The following NOSIP variants were observed in gnomAD, a reference collection of about 807,000 sequenced individuals.
NOSIP encodes the protein nitric oxide synthase-interacting protein.
A neutral mutation model predicts 36.4 loss-of-function variants in NOSIP; 25 were observed. The observed-to-expected ratio is 0.69, with a 90% CI of 0.50 to 0.96. The LOEUF (loss-of-function observed/expected upper bound fraction) is 0.96. Among genes scored for constraint, NOSIP ranks in the 40% least tolerant of loss-of-function variants. NOSIP has a pLI of 0.00. For missense variants in NOSIP, 370 were observed against 429.0 expected (o/e 0.86, Z 1.21); for synonymous variants, 187 against 179.2 (o/e 1.04, Z -0.35).
intron 1 of NOSIP, among the ~76,000 whole-genome samples, chr19:49,576,838 C>T (rs956922495): frequency 2.1e-5 from 3 of 142,130 alleles, no homozygotes; most frequent in Admixed American, 1.5e-4. Context: ...GAGCCAAGAT[C>T]GCACCATTGC....
chr19:49,561,763 T>A (rs978242872), intron 1 of NOSIP, among the ~76,000 whole-genome samples: 2 of 151,300 alleles, frequency 1.3e-5, no homozygotes, highest in Admixed American at 6.6e-5. Flanking sequence ...ACGCCAGTAA[T>A]CCCAACTACT....
At position 49,555,674 on chromosome 19, in the gene NOSIP, C is replaced by G. The variant is rs778490568; in HGVS notation, c.*77G>C. ...CCCTGCATCCTCGCCTGCCCTGTCC[C>G]CGGGGCGCCCACGCCGCGAATGAAG... On this transcript the variant is annotated 3_prime_UTR_variant, in exon 9 of 9. Coordinates refer to ENST00000596358, the MANE Select transcript of NOSIP (RefSeq NM_001270960.2). 1 of 1,271,958 alleles carries G rather than the reference C, an allele frequency of 7.9e-7. No homozygotes were observed. The highest frequency in any genetic ancestry group is 2.3e-5 in the East Asian group (1 of 42,962). 78.8% of individuals were successfully genotyped at this position (1,271,958 alleles called of 1,614,324 possible).
chr19:49,565,782 A>AAAGT (rs763832392), intron 1 of NOSIP, among the ~76,000 whole-genome samples: 2 of 151,472 alleles, frequency 1.3e-5, no homozygotes, highest in Admixed American at 1.3e-4. Flanking sequence ...AGAAAGAAAG[A>AAAGT]AAGAAATTAA....
intron 5 of NOSIP, 36 bp downstream of exon 5, chr19:49,557,054 C>T (rs953905582): frequency 1.3e-6 from 2 of 1,591,554 alleles, no homozygotes; most frequent in African/African-American, 1.3e-5. Context: ...CGCGGCGCCC[C>T]GCCCCCCAAC....
chr19:49,576,077 G>T (rs996082492), intron 1 of NOSIP, among the ~76,000 whole-genome samples: 7 of 152,124 alleles, frequency 4.6e-5, no homozygotes, highest in Admixed American at 6.6e-5. Flanking sequence ...GGAGCTTGCA[G>T]TGAGCGGAGA....
At chr19:49,559,150 T>C (rs1437813296) in intron 3 of NOSIP, 172 bp from the exon 4 acceptor site, 1 of 633,814 alleles carries the variant, frequency 1.6e-6, no homozygotes, top group African/African-American at 1.8e-5. Context: ...TTTACTGCAG[T>C]GAAAGGATGC....
Position 49,556,378 on chromosome 19 carries a change from T to G in NOSIP, c.773A>C (p.Asp258Ala), listed in dbSNP as rs1347687821. The change falls in exon 8 of 9, where the codon GAC becomes GCC. Residue 258 changes from aspartate (D) to alanine (A), a missense_variant. This residue lies in a region of NOSIP where 315 missense variants were observed against 331.9 expected (regional missense o/e 0.95). Transcript: ENST00000596358. ...LECVEKLIRK[D>A]MVDPVTGDKL... is the part of the protein sequence containing the mutation. ...GTCTCCAGTCACAGGGTCCACCATG[T>G]CCTTCCGAATCAGCTTCTCCACGCA... The G allele has an allele frequency of 6.2e-7, 1 of 1,613,798 alleles. No homozygotes were observed. The highest frequency in any genetic ancestry group is 8.5e-7 in the Non-Finnish European group (1 of 1,179,918).
chr19:49,570,385 G>A (rs2080469019), intron 1 of NOSIP, among the ~76,000 whole-genome samples: 1 of 152,036 alleles, frequency 6.6e-6, no homozygotes, highest in Non-Finnish European at 1.5e-5. Flanking sequence ...CCCTACTGGC[G>A]TCTTCTCAGA....
Position 49,560,845 on chromosome 19 carries a change from C to T in NOSIP, c.-1-153G>A, listed in dbSNP as rs568930075. ...GTGGAAGAGAGGGAGGGCATGTGGT[C>T]GCCAGGCCTCCTCCAGGAAGTCCTC... On this transcript the variant is annotated intron_variant, in intron 1 of 8. Transcript: ENST00000596358. This position sits in a 1 kb window ranked among gnomAD's most constrained non-coding sequence, Gnocchi z 4.6. Among the ~76,000 whole-genome samples, 3 of 152,208 alleles carry T rather than the reference C, an allele frequency of 2.0e-5. No homozygotes were observed. Among genetic ancestry groups the T allele is most frequent in the South Asian group, 2.1e-4 (1 of 4,832 alleles).
chr19:49,579,290 C>G (rs1057199421), intron 1 of NOSIP: 3 of 152,028 alleles, frequency 2.0e-5, no homozygotes, highest in Non-Finnish European at 4.4e-5. Context: ...ACACACGCAC[C>G]CTGTTAGATA....
intron 8 of NOSIP, 57 bp downstream of exon 8, chr19:49,556,260 G>A (rs2080243114): frequency 1.3e-5 from 13 of 971,244 alleles, no homozygotes; most frequent in Non-Finnish European, 1.9e-5. Context: ...TGGAGGGGGT[G>A]AAGGGGAGGG....
intron 6 of NOSIP, 56 bp from the exon 7 acceptor site, chr19:49,556,792 C>T (rs2080255014): frequency 5.0e-6 from 8 of 1,589,856 alleles, no homozygotes; most frequent in Middle Eastern, 1.7e-4. Context: ...AGGTGGAGAG[C>T]GCGTGGTCCC....
chr19:49,576,682 C>T (rs781412238), intron 1 of NOSIP, among the ~76,000 whole-genome samples: 2 of 151,408 alleles, frequency 1.3e-5, no homozygotes, highest in East Asian at 1.9e-4. Flanking sequence ...GTTGGGAATT[C>T]GAGACCAGCC....
At chr19:49,580,216 C>A (rs1487142320) in intron 1 of NOSIP, among the ~76,000 whole-genome samples, 1 of 151,688 alleles carries the variant, frequency 6.6e-6, no homozygotes, top group Admixed American at 6.6e-5. Flanking sequence ...CAGCAAATAG[C>A]CATCATCTAC....
At chr19:49,572,922 A>C (rs1194446441) in intron 1 of NOSIP, among the ~76,000 whole-genome samples, 1 of 149,314 alleles carries the variant, frequency 6.7e-6, no homozygotes, top group African/African-American at 2.5e-5. Context: ...GCAGTGAGCC[A>C]AGATCGGGCC....
At chr19:49,562,709 T>C (rs1036502897) in intron 1 of NOSIP, among the ~76,000 whole-genome samples, 6 of 152,040 alleles carry the variant, frequency 3.9e-5, no homozygotes, top group African/African-American at 1.4e-4. Flanking sequence ...GGTGAAACCC[T>C]GTCTCTACTA....
Position 49,558,942 on chromosome 19 carries a change from C to T in NOSIP, c.213G>A (p.Leu71=). The change falls in exon 4 of 9, where the codon CTG becomes CTA. Residue 71 remains leucine, a synonymous_variant. Transcript: ENST00000596358. ...DGYLYEREAI[L]EYILHQKKEI... ...CCTTCTTCTGGTGCAGAATGTACTC[C>T]AGGATGGCCTCACGCTCATACAGGT... The T allele has an allele frequency of 1.9e-6, 3 of 1,614,082 alleles. No individual in the cohort carries two copies. Among genetic ancestry groups the T allele is most frequent in the Non-Finnish European group, 2.5e-6 (3 of 1,179,996 alleles).
At chr19:49,576,884 C>CAAAA (rs58441193) in intron 1 of NOSIP, among the ~76,000 whole-genome samples, 11 of 47,376 alleles carry the variant, frequency 2.3e-4, no homozygotes, top group East Asian at 5.1e-4. Context: ...AACTCTGTCT[C>CAAAA]AAAAAAAAAA....
rs938781806 is a variant in NOSIP at position 49,565,800 on chromosome 19, G to A, written c.-1-5108C>T. 3.3e-4 allele frequency among the ~76,000 whole-genome samples: 50 copies of A among 151,352 alleles called. 1 individual carries two copies. Among genetic ancestry groups the A allele is most frequent in the African/African-American group, 1.2e-3 (49 of 41,100 alleles). On this transcript the variant is annotated intron_variant, in intron 1 of 8. Coordinates refer to ENST00000596358, the MANE Select transcript of NOSIP (RefSeq NM_001270960.2). The stretch of plus-strand genomic sequence containing the variant: ...AAGAAAGAAAGAAATTAATGGCGGG[G>A]GAACCCCCACTCCATCTTGGACATC...
Sources: gnomAD v4.1 joint callset for allele counts (sites outside exome capture counted in the v4.1 genomes callset) on GRCh38, gnomAD v4.1.1 for gene constraint, gnomAD v4.1.1 regional missense constraint, Gnocchi (gnomAD v3.1) non-coding constraint, MANE v1.5 for transcripts, NCBI Gene and HGNC (gene_info 2026-07-23, HGNC 2026-07-21) for gene names.